CCDC91: variants seen among roughly 807,000 people sequenced by gnomAD.
CCDC91 encodes the protein coiled-coil domain-containing protein 91.
A neutral mutation model predicts 63.2 loss-of-function variants in CCDC91; 48 were observed. That is an observed-to-expected ratio of 0.76 (90% CI 0.60 to 0.97). The LOEUF is 0.97. CCDC91 is among the 50% of genes least tolerant of loss of function. The pLI is 0.00. For missense variants in CCDC91, 500 were observed against 494.6 expected (o/e 1.01, Z -0.10); for synonymous variants, 167 against 165.8 (o/e 1.01, Z -0.06).
At chr12:28,526,227 T>G (rs917801881) in intron 12 of CCDC91, among the ~76,000 whole-genome samples, 1 of 152,134 alleles carries the variant, frequency 6.6e-6, no homozygotes, top group African/African-American at 2.4e-5. Context: ...AGGTTCTGTT[T>G]TGATGTGTTT....
At chr12:28,297,822 T>G (rs1384340088) in intron 3 of CCDC91, among the ~76,000 whole-genome samples, 1 of 151,842 alleles carries the variant, frequency 6.6e-6, no homozygotes, top group Admixed American at 6.6e-5. Context: ...GATATTTATA[T>G]TTTACATACT....
chr12:28,252,106 A>G (rs1308455724), intron 1 of CCDC91, among the ~76,000 whole-genome samples: 1 of 152,092 alleles, frequency 6.6e-6, no homozygotes, highest in Non-Finnish European at 1.5e-5. Context: ...TAAAAGCATT[A>G]TTAGTCCATT....
intron 11 of CCDC91, among the ~76,000 whole-genome samples, chr12:28,471,860 G>A (rs577222317): frequency 3.3e-5 from 5 of 151,550 alleles, no homozygotes; most frequent in South Asian, 2.1e-4. Context: ...AGCAATTCTC[G>A]TACCTCAGCC....
chr12:28,226,977 C>T (rs1398315761), intron 1 of CCDC91, among the ~76,000 whole-genome samples: 1 of 152,062 alleles, frequency 6.6e-6, no homozygotes, highest in Non-Finnish European at 1.5e-5. Context: ...TATTCCTCAG[C>T]TGAGATTGAT....
chr12:28,299,703 C>G (rs552883124), intron 3 of CCDC91, among the ~76,000 whole-genome samples: 1 of 151,702 alleles, frequency 6.6e-6, no homozygotes, highest in East Asian at 1.9e-4. Context: ...TGGCTTTATC[C>G]TTCATACATT....
intron 3 of CCDC91, among the ~76,000 whole-genome samples, chr12:28,292,494 G>A (rs1389235008): frequency 2.0e-5 from 3 of 152,046 alleles, no homozygotes; most frequent in Non-Finnish European, 4.4e-5. Context: ...AGGAGATAAT[G>A]ACACCTAACA....
In CCDC91 at chr12:28,388,029, C is replaced by T. The variant is rs537207039; in HGVS notation, c.655-3275C>T. Reference sequence around the variant, plus strand: ...GCAGTGTAAAACTGTTCTCTTTTCACCATATCCCTTCCAGCATCTATTATT... The same window carrying T: ...GCAGTGTAAAACTGTTCTCTTTTCATCATATCCCTTCCAGCATCTATTATT... On this transcript the variant is annotated intron_variant, in intron 7 of 12. Transcript: ENST00000536442. 9.2e-5 allele frequency among the ~76,000 whole-genome samples: 14 copies of T among 152,236 alleles called. No homozygotes were observed. In the South Asian group the frequency reaches 2.7e-3, roughly 29 times the overall value.
rs535574285 is a variant in CCDC91 at position 28,255,060 on chromosome 12, G to A, written c.-14-2142G>A. On this transcript the variant is annotated intron_variant, in intron 1 of 12. Coordinates refer to ENST00000536442, the MANE Select transcript of CCDC91 (RefSeq NM_018318.5). ...CAAAGTGCTGGGATTACAGGCGTGA[G>A]CCACCGAATATGTAAAAGTTGCTGG... 3.3e-5 allele frequency among the ~76,000 whole-genome samples: 5 copies of A among 152,296 alleles called. No individual in the cohort carries two copies. The South Asian group carries it at 1.0e-3, about 32-fold the overall frequency.
intron 3 of CCDC91, among the ~76,000 whole-genome samples, chr12:28,286,525 T>C (rs1483527515): frequency 6.6e-6 from 1 of 152,238 alleles, no homozygotes; most frequent in Non-Finnish European, 1.5e-5. Context: ...TCCATGTTCC[T>C]GCAAAGGACA....
At chr12:28,240,378 A>G (rs777340552) in intron 1 of CCDC91, among the ~76,000 whole-genome samples, 8 of 151,922 alleles carry the variant, frequency 5.3e-5, no homozygotes, top group African/African-American at 1.5e-4. Context: ...TTATCTCACA[A>G]TTTTTGTCAC....
chr12:28,528,548 A>G (rs1196215077), intron 12 of CCDC91, among the ~76,000 whole-genome samples: 1 of 151,976 alleles, frequency 6.6e-6, no homozygotes, highest in Non-Finnish European at 1.5e-5. Context: ...GGCTTTCCTA[A>G]CGTTTTCTTG....
chr12:28,507,769 A>C (rs768946242), intron 12 of CCDC91, among the ~76,000 whole-genome samples: 2 of 151,924 alleles, frequency 1.3e-5, no homozygotes, highest in Non-Finnish European at 2.9e-5. Context: ...TGCCTTCAAA[A>C]AGGGCTCTGT....
intron 7 of CCDC91, among the ~76,000 whole-genome samples, chr12:28,374,767 A>T (rs1224600802): frequency 6.6e-6 from 1 of 152,150 alleles, no homozygotes; most frequent in Non-Finnish European, 1.5e-5. Flanking sequence ...GACCTCATCC[A>T]ACTGGAATTT....
intron 1 of CCDC91, among the ~76,000 whole-genome samples, chr12:28,231,309 G>A (rs1320658236): frequency 1.3e-5 from 2 of 152,134 alleles, no homozygotes; most frequent in Non-Finnish European, 2.9e-5. Context: ...CAAACTTCTG[G>A]GGCCAAATAA....
chr12:28,407,747 G>A (rs1487055121), intron 8 of CCDC91, among the ~76,000 whole-genome samples: 1 of 151,810 alleles, frequency 6.6e-6, no homozygotes, highest in Non-Finnish European at 1.5e-5. Flanking sequence ...CATTTATTTA[G>A]GTCTTCCTTA....
At chr12:28,417,327 A>G (rs901667537) in intron 8 of CCDC91, among the ~76,000 whole-genome samples, 3 of 152,062 alleles carry the variant, frequency 2.0e-5, no homozygotes, top group African/African-American at 4.8e-5. Flanking sequence ...GACAAACACA[A>G]TCATGCAGCT....
At chr12:28,252,313 T>G (rs1458231647) in intron 1 of CCDC91, among the ~76,000 whole-genome samples, 1 of 152,056 alleles carries the variant, frequency 6.6e-6, no homozygotes, top group African/African-American at 2.4e-5. Flanking sequence ...ATCCTTTTGT[T>G]TTAGAAAATT....
chr12:28,486,020 T>C (rs1951706972), intron 12 of CCDC91, among the ~76,000 whole-genome samples: 1 of 152,184 alleles, frequency 6.6e-6, no homozygotes, highest in African/African-American at 2.4e-5. Context: ...CCTCTTAAAA[T>C]TTTAAGTCTA....
chr12:28,422,938 G>C (rs1441274896), intron 8 of CCDC91, among the ~76,000 whole-genome samples: 1 of 151,916 alleles, frequency 6.6e-6, no homozygotes, highest in Non-Finnish European at 1.5e-5. Flanking sequence ...TAATTCCAAG[G>C]TTGTTGTTGT....
Sources: gnomAD v4.1 joint callset for allele counts (sites outside exome capture counted in the v4.1 genomes callset) on GRCh38, gnomAD v4.1.1 for gene constraint, MANE v1.5 for transcripts, NCBI Gene and HGNC (gene_info 2026-07-23, HGNC 2026-07-21) for gene names.